Variants in ITPR2 observed in about 807,000 individuals in gnomAD.
The protein encoded by ITPR2 is inositol 1,4,5-trisphosphate-gated calcium channel ITPR2.
A neutral mutation model predicts 317.1 loss-of-function variants in ITPR2; 207 were observed. The ratio of observed to expected loss-of-function variants is 0.65; its 90% CI spans 0.58 to 0.73. ITPR2 has a LOEUF of 0.73. Ranked by LOEUF, ITPR2 falls within the 30% of genes least tolerant of loss-of-function variation. The pLI is 0.00. For synonymous variants in ITPR2, 1,156 were observed against 1,149.1 expected, an observed-to-expected ratio of 1.01 and a Z score of -0.12; for missense variants, 2,613 against 3,284.0, an observed-to-expected ratio of 0.80 and a Z score of 4.99.
At chr12:26,451,438 C>T (rs1056246407) in intron 45 of ITPR2, among the ~76,000 whole-genome samples, 1 of 151,316 alleles carries the variant, frequency 6.6e-6, no homozygotes, top group African/African-American at 2.4e-5. Context: ...CCTTCCCTCC[C>T]CAGCAGTACT....
chr12:26,658,078 C>T lies in ITPR2; in HGVS notation c.1939G>A (p.Val647Ile), dbSNP rs1261101529. 3 of 1,612,258 alleles carry T rather than the reference C, an allele frequency of 1.9e-6. No homozygotes were observed. Among genetic ancestry groups the T allele is most frequent in the Admixed American group, 1.7e-5 (1 of 59,908 alleles). ...LCVSNTTAIP[V>I]TQELICKFML... The stretch of plus-strand genomic sequence containing the variant: ...AATTTACAGATGAGTTCTTGAGTTA[C>T]AGGGATAGCAGTGGTATTAGACACA... The change falls in exon 17 of 57, where the codon GTA becomes ATA. Residue 647 changes from valine (V) to isoleucine (I), a missense_variant. Around this residue, in one of 9 missense-constraint regions of ITPR2, gnomAD observed 515 missense variants for 789.4 expected, o/e 0.65. Coordinates refer to ENST00000381340, the MANE Select transcript of ITPR2 (RefSeq NM_002223.4).
At chr12:26,350,435 A>G (rs980470537) in intron 55 of ITPR2, among the ~76,000 whole-genome samples, 1 of 152,050 alleles carries the variant, frequency 6.6e-6, no homozygotes, top group Admixed American at 6.6e-5. Context: ...TCATCTGCAA[A>G]TCATCCTCTG....
At chr12:26,654,638 G>A (rs1252646464) in intron 20 of ITPR2, among the ~76,000 whole-genome samples, 1 of 152,104 alleles carries the variant, frequency 6.6e-6, no homozygotes, top group Non-Finnish European at 1.5e-5. Flanking sequence ...CAACAGAAGT[G>A]ATGACATGTC....
chr12:26,484,767 A>C (rs1942627360), intron 41 of ITPR2, among the ~76,000 whole-genome samples: 1 of 152,042 alleles, frequency 6.6e-6, no homozygotes, highest in Admixed American at 6.5e-5. Flanking sequence ...GCTGGAGTGC[A>C]GTGGCATCAT....
At chr12:26,800,225 C>A (rs1205459418) in intron 1 of ITPR2, among the ~76,000 whole-genome samples, 9 of 150,630 alleles carry the variant, frequency 6.0e-5, no homozygotes, top group African/African-American at 9.8e-5. Context: ...ACTTTCCATT[C>A]AAAAAAAAAA....
At chr12:26,505,362 G>A (rs1591837645) in intron 37 of ITPR2, among the ~76,000 whole-genome samples, 1 of 152,068 alleles carries the variant, frequency 6.6e-6, no homozygotes, top group African/African-American at 2.4e-5. Flanking sequence ...TCTTCCTTCT[G>A]CCACACAGCT....
At chr12:26,659,674 C>T (rs10842767) in intron 15 of ITPR2, among the ~76,000 whole-genome samples, 31,030 of 152,106 alleles carry the variant, frequency 0.2, 3,901 homozygotes, top group East Asian at 0.55. Context: ...TTTTATGACA[C>T]AATAACTTTG....
chr12:26,424,693 G>A (rs11048512), intron 49 of ITPR2, among the ~76,000 whole-genome samples: 53,908 of 147,126 alleles, frequency 0.37, 11,930 homozygotes, highest in Non-Finnish European at 0.5. Context: ...GGGTTGAAGC[G>A]ATTCTCCTGC....
intron 34 of ITPR2, 121 bp from the exon 35 acceptor site, chr12:26,562,073 T>C (rs1944835200): frequency 1.5e-6 from 1 of 651,726 alleles, no homozygotes; most frequent in Admixed American, 4.1e-5. Flanking sequence ...TGCCATTAAC[T>C]TGTTTTATAT....
intron 2 of ITPR2, among the ~76,000 whole-genome samples, chr12:26,772,450 T>TAA (rs1555189195): frequency 5.4e-5 from 4 of 74,034 alleles, no homozygotes; most frequent in Non-Finnish European, 9.2e-5. Context: ...ATTATATATA[T>TAA]TATATATATA....
intron 1 of ITPR2, among the ~76,000 whole-genome samples, chr12:26,815,321 G>C (rs1408337301): frequency 6.6e-6 from 1 of 152,072 alleles, no homozygotes; most frequent in Non-Finnish European, 1.5e-5. Context: ...GACACGGTAA[G>C]ACTCAGTCTC....
intron 2 of ITPR2, among the ~76,000 whole-genome samples, chr12:26,739,692 G>C (rs1200240833): frequency 6.6e-6 from 1 of 152,192 alleles, no homozygotes; most frequent in Non-Finnish European, 1.5e-5. Context: ...AACTTTTTGA[G>C]ATGATGTAAG....
At chr12:26,422,201 A>G (rs1049968953) in intron 49 of ITPR2, among the ~76,000 whole-genome samples, 1 of 150,294 alleles carries the variant, frequency 6.7e-6, no homozygotes. Flanking sequence ...TAACTAGTAA[A>G]TAATTTAACT....
chr12:26,504,744 T>C (rs555725445), intron 37 of ITPR2, among the ~76,000 whole-genome samples: 1 of 152,326 alleles, frequency 6.6e-6, no homozygotes, highest in East Asian at 1.9e-4. Context: ...TATCCCATCC[T>C]AGACATTTAT....
intron 34 of ITPR2, among the ~76,000 whole-genome samples, chr12:26,571,093 A>G (rs998295573): frequency 4.6e-5 from 7 of 152,228 alleles, no homozygotes; most frequent in Non-Finnish European, 7.3e-5. Flanking sequence ...TTCAAGTCCT[A>G]CATCTTAGAA....
chr12:26,488,586 G>C (rs1942725894), intron 39 of ITPR2, among the ~76,000 whole-genome samples: 1 of 152,192 alleles, frequency 6.6e-6, no homozygotes, highest in Non-Finnish European at 1.5e-5. Flanking sequence ...CAACCCTCAA[G>C]AAAGAAGGCC....
At chr12:26,744,439 C>T (rs912946367) in intron 2 of ITPR2, among the ~76,000 whole-genome samples, 20 of 152,236 alleles carry the variant, frequency 1.3e-4, no homozygotes, top group African/African-American at 4.3e-4. Flanking sequence ...GGCCTCCGCT[C>T]AAGTATCAGT....
chr12:26,495,012 C>A, intron 38 of ITPR2, 140 bp downstream of exon 38: 1 of 641,494 alleles, frequency 1.6e-6, no homozygotes, highest in African/African-American at 1.9e-5. Context: ...TTATGAGCCC[C>A]AAATTGTATG....
chr12:26,540,736 T>TA (rs375322582), intron 37 of ITPR2, among the ~76,000 whole-genome samples: 1 of 152,180 alleles, frequency 6.6e-6, no homozygotes, highest in Admixed American at 6.5e-5. Flanking sequence ...ATAATGAGGT[T>TA]AAAATGAATA....
Sources: gnomAD v4.1 joint callset for allele counts (sites outside exome capture counted in the v4.1 genomes callset) on GRCh38, gnomAD v4.1.1 for gene constraint, gnomAD v4.1.1 regional missense constraint, MANE v1.5 for transcripts, NCBI Gene and HGNC (gene_info 2026-07-23, HGNC 2026-07-21) for gene names.